SLC9A7: variants seen among roughly 807,000 people sequenced by gnomAD.
The protein encoded by SLC9A7 is solute carrier family 9 member A7, also known as sodium/hydrogen exchanger 7.
A neutral mutation model predicts 52.6 loss-of-function variants in SLC9A7; 19 were observed. That is an observed-to-expected ratio of 0.36 (90% confidence interval 0.25 to 0.53). The LOEUF is 0.53. Ranked by LOEUF, SLC9A7 falls within the 20% of genes least tolerant of loss-of-function variation. The pLI, the probability that SLC9A7 is intolerant of heterozygous loss-of-function variation, is 0.91. For missense variants in SLC9A7, 455 were observed against 597.9 expected, an observed-to-expected ratio of 0.76 and a Z score of 2.49; for synonymous variants, 226 against 252.1, an observed-to-expected ratio of 0.90 and a Z score of 0.98.
chrX:46,757,046 T>C (rs1556292956), intron 1 of SLC9A7, among the ~76,000 whole-genome samples: 1 of 112,285 alleles, frequency 8.9e-6, no homozygotes, highest in Non-Finnish European at 1.9e-5. Flanking sequence ...TACCTCCTAT[T>C]TCACATTGTC....
chrX:46,746,887 A>G (rs914944287), intron 1 of SLC9A7, among the ~76,000 whole-genome samples: 2 of 112,604 alleles, frequency 1.8e-5, no homozygotes, highest in Admixed American at 9.4e-5. Context: ...TATGGAATCA[A>G]CCTAAGTGCC....
intron 1 of SLC9A7, among the ~76,000 whole-genome samples, chrX:46,724,459 A>T (rs1944912238): frequency 8.9e-6 from 1 of 112,436 alleles, no homozygotes; most frequent in Non-Finnish European, 1.9e-5. Flanking sequence ...TGGTTTCCGC[A>T]GTAGAGGTTT....
chrX:46,671,731 T>C (rs1388304200), intron 4 of SLC9A7, among the ~76,000 whole-genome samples: 1 of 112,228 alleles, frequency 8.9e-6, no homozygotes, highest in Non-Finnish European at 1.9e-5. Context: ...ATCCTTCTCA[T>C]CACAAATATC....
intron 3 of SLC9A7, among the ~76,000 whole-genome samples, chrX:46,674,317 ACACT>A (rs767821390): frequency 4.5e-5 from 5 of 112,188 alleles, no homozygotes; most frequent in Non-Finnish European, 9.4e-5. Flanking sequence ...AATCACACAC[ACACT>A]ATTACCCATC....
chrX:46,655,748 G>C (rs1343463146), intron 7 of SLC9A7, among the ~76,000 whole-genome samples: 1 of 112,673 alleles, frequency 8.9e-6, no homozygotes, highest in Non-Finnish European at 1.9e-5. Flanking sequence ...CTGATTGCTA[G>C]CACAGCAGTC....
intron 11 of SLC9A7, among the ~76,000 whole-genome samples, chrX:46,644,780 A>G (rs1384989630): frequency 2.7e-5 from 3 of 112,398 alleles, no homozygotes; most frequent in Non-Finnish European, 5.6e-5. Context: ...TCTATTTTGC[A>G]ATTTCACAAT....
chrX:46,651,760 C>T (rs771566232), intron 8 of SLC9A7, among the ~76,000 whole-genome samples: 8 of 103,267 alleles, frequency 7.7e-5, no homozygotes, highest in Middle Eastern at 5.1e-3. Flanking sequence ...CCTGGGAGGT[C>T]GAGGCTGCAG....
At chrX:46,709,320 T>C (rs1422911084) in intron 1 of SLC9A7, among the ~76,000 whole-genome samples, 1 of 110,739 alleles carries the variant, frequency 9.0e-6, no homozygotes, top group Non-Finnish European at 1.9e-5. Context: ...AGTGGGAGGA[T>C]TGCTTGAACC....
At chrX:46,686,466 A>G (rs1275019434) in intron 1 of SLC9A7, among the ~76,000 whole-genome samples, 2 of 112,064 alleles carry the variant, frequency 1.8e-5, no homozygotes, top group Non-Finnish European at 3.8e-5. Context: ...AGGATATTAG[A>G]ACTGCAGGAA....
intron 16 of SLC9A7, among the ~76,000 whole-genome samples, chrX:46,609,085 C>A (rs1213268199): frequency 1.8e-5 from 2 of 111,580 alleles, no homozygotes; most frequent in Non-Finnish European, 3.8e-5. Flanking sequence ...TGCCAGGGCT[C>A]TTGGCTCCCA....
intron 1 of SLC9A7, among the ~76,000 whole-genome samples, chrX:46,722,588 C>T (rs1285881162): frequency 3.6e-5 from 4 of 112,392 alleles, no homozygotes; most frequent in African/African-American, 1.3e-4. Flanking sequence ...TTCTGTATTA[C>T]ACATAAAGAA....
At chrX:46,668,834 A>C (rs1943966454) in intron 5 of SLC9A7, among the ~76,000 whole-genome samples, 1 of 111,432 alleles carries the variant, frequency 9.0e-6, no homozygotes, top group Non-Finnish European at 1.9e-5. Flanking sequence ...TTTCACAATG[A>C]TGTGGGTATA....
chrX:46,612,157 G>C (rs183202352), intron 16 of SLC9A7, among the ~76,000 whole-genome samples: 1 of 112,567 alleles, frequency 8.9e-6, no homozygotes, highest in Non-Finnish European at 1.9e-5. Flanking sequence ...TAATGCTGCA[G>C]TACTCACTGA....
At chrX:46,707,439 C>T (rs1009895868) in intron 1 of SLC9A7, among the ~76,000 whole-genome samples, 3 of 111,726 alleles carry the variant, frequency 2.7e-5, no homozygotes, top group African/African-American at 9.8e-5. Context: ...AAAAAGCCCG[C>T]GTCACTAGCC....
chrX:46,713,383 C>T (rs780533287), intron 1 of SLC9A7, among the ~76,000 whole-genome samples: 5 of 109,457 alleles, frequency 4.6e-5, no homozygotes, highest in Non-Finnish European at 7.6e-5. Flanking sequence ...CGCCTGTAAT[C>T]CCAGCTACTT....
In SLC9A7 at chrX:46,665,563, A is replaced by AAAAAAAAAAAAAAAAAG. The variant is rs1264346239; in HGVS notation, c.794-2937_794-2921dup. On this transcript the variant is annotated intron_variant, in intron 5 of 16. Coordinates refer to ENST00000616978, the MANE Select transcript of SLC9A7 (RefSeq NM_001257291.2). ...ACAGAGTAAGACTCCATCTCAAAAA[A>AAAAAAAAAAAAAAAAAG]AAAAAAAAAAAAAAAAGAAATTGTT... Among the ~76,000 whole-genome samples, 81 of 107,364 alleles carry AAAAAAAAAAAAAAAAAG rather than the reference A, an allele frequency of 7.5e-4. 2 individuals are homozygous for AAAAAAAAAAAAAAAAAG. In the East Asian group the frequency reaches 0.014, roughly 19 times the overall value. 93.2% of individuals were successfully genotyped at this position (107,364 alleles called of 115,157 possible). A position where few individuals can be genotyped will look rare whatever the true frequency, so the allele number is the denominator to read the frequency against.
At chrX:46,646,330 T>C (rs959121956) in intron 11 of SLC9A7, among the ~76,000 whole-genome samples, 1 of 111,600 alleles carries the variant, frequency 9.0e-6, no homozygotes, top group Non-Finnish European at 1.9e-5. Context: ...ACCTCTCAAC[T>C]CTTTTGGATA....
chrX:46,659,211 T>C (rs1166534063), intron 7 of SLC9A7, among the ~76,000 whole-genome samples: 3 of 111,645 alleles, frequency 2.7e-5, no homozygotes, highest in Non-Finnish European at 5.6e-5. Context: ...TAGGTATTGA[T>C]GGGACGTATC....
intron 1 of SLC9A7, among the ~76,000 whole-genome samples, chrX:46,715,523 G>A (rs1944755792): frequency 9.0e-6 from 1 of 111,400 alleles, no homozygotes; most frequent in Non-Finnish European, 1.9e-5. Context: ...GTGGTATAAG[G>A]TTAAATTCTG....
Sources: gnomAD v4.1 joint callset for allele counts (sites outside exome capture counted in the v4.1 genomes callset) on GRCh38, gnomAD v4.1.1 for gene constraint, MANE v1.5 for transcripts, NCBI Gene and HGNC (gene_info 2026-07-23, HGNC 2026-07-21) for gene names.